Variants in RGS5 observed in about 807,000 individuals in gnomAD.
The protein encoded by RGS5 is regulator of G protein signaling 5, also known as regulator of G-protein signalling 5.
In RGS5, 20 loss-of-function variants were observed where a neutral mutation model predicts 18.9. The observed-to-expected ratio is 1.06, with a 90% CI of 0.74 to 1.54. The LOEUF is 1.54. Among genes scored for constraint, RGS5 ranks in the 40% most tolerant of loss-of-function variants. The pLI, the probability that RGS5 is intolerant of heterozygous loss-of-function variation, is 0.00. For missense variants in RGS5, 201 were observed against 211.8 expected, an observed-to-expected ratio of 0.95 and a Z score of 0.32; for synonymous variants, 57 against 76.2, an observed-to-expected ratio of 0.75 and a Z score of 1.31.
chr1:163,168,237 G>A, intron 2 of RGS5, 21 bp downstream of exon 2: 1 of 1,548,944 alleles, frequency 6.5e-7, no homozygotes, highest in Non-Finnish European at 8.9e-7. Context: ...GAAATGAGTG[G>A]AATCCATATT....
At chr1:163,250,631 T>C (rs1355036054) in intron 2 of RGS5, among the ~76,000 whole-genome samples, 1 of 152,166 alleles carries the variant, frequency 6.6e-6, no homozygotes, top group Non-Finnish European at 1.5e-5. Context: ...AGAGAGGAAA[T>C]GCCTTTTACT....
intron 1 of RGS5, among the ~76,000 whole-genome samples, chr1:163,189,546 T>G (rs980386650): frequency 6.6e-6 from 1 of 152,202 alleles, no homozygotes; most frequent in African/African-American, 2.4e-5. Context: ...AATACAACAC[T>G]GTCAAAGTTG....
At chr1:163,161,174 A>G (rs1265184711) in intron 3 of RGS5, among the ~76,000 whole-genome samples, 1 of 152,178 alleles carries the variant, frequency 6.6e-6, no homozygotes, top group Non-Finnish European at 1.5e-5. Flanking sequence ...AGCCAAGGGG[A>G]TTATATGTAG....
intron 4 of RGS5, chr1:163,152,332 G>T: frequency 2.3e-6 from 1 of 431,874 alleles, no homozygotes; most frequent in East Asian, 3.4e-5. Flanking sequence ...GGTTAGTGGA[G>T]GTGAGACCCA....
chr1:163,241,234 T>C (rs1647784699), intron 2 of RGS5, among the ~76,000 whole-genome samples: 1 of 152,228 alleles, frequency 6.6e-6, no homozygotes, highest in Non-Finnish European at 1.5e-5. Flanking sequence ...AGTTTAATAA[T>C]GGCAGATTGT....
At chr1:163,184,674 C>G (rs1223629038) in intron 1 of RGS5, among the ~76,000 whole-genome samples, 1 of 152,036 alleles carries the variant, frequency 6.6e-6, no homozygotes, top group Non-Finnish European at 1.5e-5. Flanking sequence ...GCAGGAGGGT[C>G]AAGTCTGAAG....
intron 1 of RGS5, among the ~76,000 whole-genome samples, chr1:163,320,439 G>C (rs1045253851): frequency 2.6e-5 from 4 of 152,118 alleles, no homozygotes; most frequent in Admixed American, 2.0e-4. Context: ...TAAATAGCTC[G>C]CCTAAGTCCA....
upstream of RGS5, among the ~76,000 whole-genome samples, chr1:163,203,856 A>T (rs962539986): frequency 2.0e-5 from 3 of 151,726 alleles, no homozygotes; most frequent in Non-Finnish European, 4.4e-5. Flanking sequence ...AATTTACCTG[A>T]ATTGTGTCTT....
chr1:163,316,005 A>G (rs1210255341), intron 1 of RGS5, among the ~76,000 whole-genome samples: 1 of 152,226 alleles, frequency 6.6e-6, no homozygotes, highest in East Asian at 1.9e-4. Context: ...TATATTCAAA[A>G]GTGTTACTAG....
intron 2 of RGS5, among the ~76,000 whole-genome samples, chr1:163,235,988 G>T (rs1195303123): frequency 6.6e-6 from 1 of 152,068 alleles, no homozygotes; most frequent in Non-Finnish European, 1.5e-5. Flanking sequence ...TTAACAAAAG[G>T]TTTATAGTCT....
intron 1 of RGS5, chr1:163,306,427 G>A (rs1348023665): frequency 6.6e-6 from 1 of 152,162 alleles, no homozygotes; most frequent in Non-Finnish European, 1.5e-5. Flanking sequence ...TTTCAAAGGA[G>A]GTAAAAATCC....
At chr1:163,276,599 TA>T (rs1648862432) in intron 2 of RGS5, among the ~76,000 whole-genome samples, 1 of 152,228 alleles carries the variant, frequency 6.6e-6, no homozygotes, top group African/African-American at 2.4e-5. Context: ...TTATATTACT[TA>T]AACATTTTTA....
At chr1:163,263,030 C>T (rs565651244) in intron 2 of RGS5, among the ~76,000 whole-genome samples, 3 of 152,240 alleles carry the variant, frequency 2.0e-5, no homozygotes, top group African/African-American at 7.2e-5. Flanking sequence ...TGCTTCCTAC[C>T]CACAGCCAAA....
chr1:163,249,012 A>C (rs1648026427), intron 2 of RGS5, among the ~76,000 whole-genome samples: 1 of 152,200 alleles, frequency 6.6e-6, no homozygotes, highest in African/African-American at 2.4e-5. Context: ...CTTCTTATAA[A>C]ACCCAGGGCA....
upstream of RGS5, among the ~76,000 whole-genome samples, chr1:163,221,862 C>A (rs1647233270): frequency 6.6e-6 from 1 of 152,120 alleles, no homozygotes; most frequent in Non-Finnish European, 1.5e-5. Flanking sequence ...AACATCTCTA[C>A]ATCTTTTAAG....
At chr1:163,214,532 C>T (rs956164971) in intron 1 of RGS5, among the ~76,000 whole-genome samples, 10 of 152,046 alleles carry the variant, frequency 6.6e-5, no homozygotes, top group Non-Finnish European at 1.3e-4. Flanking sequence ...CAGTTTCTCC[C>T]TTCCTTCGGG....
intron 1 of RGS5, among the ~76,000 whole-genome samples, chr1:163,315,764 GGGT>G (rs1650002045): frequency 6.6e-6 from 1 of 152,126 alleles, no homozygotes; most frequent in African/African-American, 2.4e-5. Context: ...AATGATGAAA[GGGT>G]AATAAAAAGC....
intron 1 of RGS5, among the ~76,000 whole-genome samples, chr1:163,181,683 T>G (rs965037627): frequency 6.6e-6 from 1 of 152,152 alleles, no homozygotes; most frequent in African/African-American, 2.4e-5. Flanking sequence ...CCCAGTTAGA[T>G]AGCAAGCTCC....
intron 2 of RGS5, among the ~76,000 whole-genome samples, chr1:163,277,151 T>A (rs1448928905): frequency 1.3e-5 from 2 of 152,218 alleles, no homozygotes; most frequent in African/African-American, 4.8e-5. Flanking sequence ...TCCAGGTCTT[T>A]AGATAATAAC....
Sources: gnomAD v4.1 joint callset for allele counts (sites outside exome capture counted in the v4.1 genomes callset) on GRCh38, gnomAD v4.1.1 for gene constraint, MANE v1.5 for transcripts, NCBI Gene and HGNC (gene_info 2026-07-23, HGNC 2026-07-21) for gene names.